Variants in DGKI observed in about 807,000 individuals in gnomAD.
DGKI encodes DAG kinase iota.
A neutral mutation model predicts 147.5 loss-of-function variants in DGKI; 55 were observed. The ratio of observed to expected loss-of-function variants is 0.37; its 90% CI spans 0.30 to 0.47. DGKI has a LOEUF of 0.47. Ranked by LOEUF, DGKI falls within the 20% of genes least tolerant of loss-of-function variation. The pLI is 1.00. For missense variants in DGKI, 1,007 were observed against 1,323.8 expected (o/e 0.76, Z 3.71); for synonymous variants, 469 against 477.1 (o/e 0.98, Z 0.22).
chr7:137,558,247 C>T (rs559218651), intron 19 of DGKI, among the ~76,000 whole-genome samples: 1 of 150,724 alleles, frequency 6.6e-6, no homozygotes, highest in South Asian at 2.1e-4. Context: ...CAAGAATTAA[C>T]ATTTCTAGGC....
At position 137,654,554 on chromosome 7, in the gene DGKI, C is replaced by T. The variant is rs570062867; in HGVS notation, c.738+178G>A. ...TTTTATGAGAATAAAGTCCAGTGTG[C>T]ACATGTTGAAAAGACTTGAAGATTT... On this transcript the variant is annotated intron_variant, in intron 5 of 32. Coordinates refer to ENST00000614521, the MANE Select transcript of DGKI (RefSeq NM_001321708.2). Among the ~76,000 whole-genome samples the T allele has an allele frequency of 2.0e-5, 3 of 152,260 alleles. No homozygotes were observed. The South Asian group carries it at 6.2e-4, about 32-fold the overall frequency.
chr7:137,744,580 G>C (rs78102807), intron 1 of DGKI, among the ~76,000 whole-genome samples: 2,775 of 151,918 alleles, frequency 0.018, 35 homozygotes, highest in Non-Finnish European at 0.029. Context: ...ATCTGATAAA[G>C]ACACACCAAG....
At chr7:137,448,713 A>AGGAGGAAGGGAG (rs1813827468) in intron 27 of DGKI, among the ~76,000 whole-genome samples, 1 of 29,666 alleles carries the variant, frequency 3.4e-5, no homozygotes, top group African/African-American at 9.2e-5. Context: ...GAGGAAGGGA[A>AGGAGGAAGGGAG]GGAGGAAGGG....
chr7:137,451,601 T>C lies in DGKI; in HGVS notation c.2736-7499A>G, dbSNP rs77869291. On this transcript the variant is annotated intron_variant, in intron 27 of 32. Transcript: ENST00000614521. The stretch of plus-strand genomic sequence containing the variant: ...ATATTTGGGAAGGCAAAGGACTTTA[T>C]AAAGTATTGCACCTCTTATGATGTT... Among the ~76,000 whole-genome samples, 486 of 152,350 alleles carry C rather than the reference T, an allele frequency of 3.2e-3. 19 individuals carry two copies. The East Asian group carries it at 0.086, about 27-fold the overall frequency.
intron 23 of DGKI, among the ~76,000 whole-genome samples, chr7:137,476,919 G>C (rs2128931727): frequency 6.6e-6 from 1 of 152,308 alleles, no homozygotes; most frequent in Admixed American, 6.5e-5. Flanking sequence ...TTCAGGTTTT[G>C]AAGGAAGAGT....
rs1234356203 is a variant in DGKI, at chr7:137,572,761, C to T, written c.1835+4G>A. ...ACCAAGGAAACAATACAAACAGAGC[C>T]TACCTGGGTATATTTAAAAATACTA... is the stretch of plus-strand genomic sequence containing the variant. On this transcript the variant is annotated splice_donor_region_variant and intron_variant, in intron 18 of 32. Transcript: ENST00000614521. 2.5e-6 allele frequency: 4 copies of T among 1,593,730 alleles called. No homozygotes were observed. The highest frequency in any genetic ancestry group is 3.5e-5 in the Admixed American group (2 of 57,422).
intron 22 of DGKI, among the ~76,000 whole-genome samples, chr7:137,487,299 C>T (rs1815599491): frequency 6.6e-6 from 1 of 152,068 alleles, no homozygotes; most frequent in Admixed American, 6.6e-5. Context: ...ATTTATCAGT[C>T]CCTGTTGAAA....
At chr7:137,448,274 C>T (rs1373434490) in intron 27 of DGKI, among the ~76,000 whole-genome samples, 4 of 142,698 alleles carry the variant, frequency 2.8e-5, no homozygotes, top group African/African-American at 7.9e-5. Flanking sequence ...TCACTAAGAC[C>T]GACCATCCAT....
Position 137,813,945 on chromosome 7 carries a change from A to G in DGKI, c.401+32517T>C, listed in dbSNP as rs1797664085. Among the ~76,000 whole-genome samples, 4 of 152,346 alleles carry G rather than the reference A, an allele frequency of 2.6e-5. No homozygotes were observed. The South Asian group carries it at 8.3e-4, about 32-fold the overall frequency. ...TTCCCTTGAAATAATCTCAGAAGTG[A>G]AAGCCCAAGGGAAAACAGGCTCATA... On this transcript the variant is annotated intron_variant, in intron 1 of 32. Coordinates refer to ENST00000614521, the MANE Select transcript of DGKI (RefSeq NM_001321708.2).
At chr7:137,699,422 T>C (rs1823903191) in intron 1 of DGKI, among the ~76,000 whole-genome samples, 1 of 152,226 alleles carries the variant, frequency 6.6e-6, no homozygotes, top group Non-Finnish European at 1.5e-5. Context: ...GCCTCCTTTG[T>C]CTCCTCCATA....
intron 2 of DGKI, among the ~76,000 whole-genome samples, chr7:137,685,174 G>C (rs866170693): frequency 3.3e-5 from 5 of 152,210 alleles, no homozygotes; most frequent in African/African-American, 1.2e-4. Context: ...GGAAAGGAAA[G>C]GTGGTTCGGA....
At chr7:137,539,002 A>AGAAGG (rs1451168929) in intron 20 of DGKI, among the ~76,000 whole-genome samples, 1 of 152,172 alleles carries the variant, frequency 6.6e-6, no homozygotes, top group Non-Finnish European at 1.5e-5. Flanking sequence ...CTCTAAGAAA[A>AGAAGG]GAAGGGACTC....
At chr7:137,573,940 G>A (rs1229513327) in intron 17 of DGKI, among the ~76,000 whole-genome samples, 1 of 152,216 alleles carries the variant, frequency 6.6e-6, no homozygotes. Context: ...CATGACTATA[G>A]ACTTTCCGAT....
intron 3 of DGKI, among the ~76,000 whole-genome samples, chr7:137,677,704 T>C (rs1205834856): frequency 2.6e-4 from 39 of 152,190 alleles, no homozygotes; most frequent in Admixed American, 2.5e-3. Flanking sequence ...AAATATTTCT[T>C]TCACATAATA....
At chr7:137,430,417 G>C (rs1228186589) in intron 28 of DGKI, among the ~76,000 whole-genome samples, 1 of 137,186 alleles carries the variant, frequency 7.3e-6, no homozygotes, top group African/African-American at 2.7e-5. Context: ...CGTGGGGGGA[G>C]GGGGGAGGGA....
At chr7:137,697,743 T>C (rs1016231392) in intron 1 of DGKI, among the ~76,000 whole-genome samples, 3 of 152,074 alleles carry the variant, frequency 2.0e-5, no homozygotes, top group African/African-American at 7.2e-5. Flanking sequence ...GAGAGTCAAT[T>C]ACTAAATAAA....
intron 32 of DGKI, among the ~76,000 whole-genome samples, chr7:137,393,836 A>C (rs1391966022): frequency 6.6e-6 from 1 of 152,218 alleles, no homozygotes; most frequent in Non-Finnish European, 1.5e-5. Context: ...CAACTGGCTC[A>C]GAAAGGAAAG....
Position 137,654,748 on chromosome 7 carries a change from G to A in DGKI, c.722C>T (p.Ser241Leu), listed in dbSNP as rs142003962. ...AATACTCACTTCTCTTGGTGACCTT[G>A]AGCCTCCTTCTCGAAATGTTGGTTT... The part of the protein sequence containing the change: ...RCKPTFREGG[S>L]RSPRENFVRH... Residue 241 changes from serine to leucine, a missense_variant, in exon 5 of 33, where the codon TCA (serine) becomes TTA (leucine). By Grantham distance (145) the Ser-to-Leu change is moderately radical (BLOSUM62 -2). Around this residue, in one of 5 missense-constraint regions of DGKI, gnomAD observed 259 missense variants for 362.5 expected, o/e 0.71. Coordinates refer to ENST00000614521, the MANE Select transcript of DGKI (RefSeq NM_001321708.2). 1 of 1,608,722 alleles carries A rather than the reference G, an allele frequency of 6.2e-7. No homozygotes were observed. The highest frequency in any genetic ancestry group is 1.3e-5 in the African/African-American group (1 of 74,666).
At chr7:137,760,527 T>C (rs1049036751) in intron 1 of DGKI, among the ~76,000 whole-genome samples, 2 of 152,088 alleles carry the variant, frequency 1.3e-5, no homozygotes, top group African/African-American at 2.4e-5. Flanking sequence ...CACTCTAGTC[T>C]ACTGGATTTT....
Sources: gnomAD v4.1 joint callset for allele counts (sites outside exome capture counted in the v4.1 genomes callset) on GRCh38, gnomAD v4.1.1 for gene constraint, gnomAD v4.1.1 regional missense constraint, MANE v1.5 for transcripts, NCBI Gene and HGNC (gene_info 2026-07-23, HGNC 2026-07-21) for gene names.